ANKRD13C: variants seen among roughly 807,000 people sequenced by gnomAD.
The protein encoded by ANKRD13C is ankyrin repeat domain 13C.
A neutral mutation model predicts 65.5 loss-of-function variants in ANKRD13C; 16 were observed. The observed-to-expected ratio is 0.24, with a 90% CI of 0.17 to 0.37. The LOEUF (loss-of-function observed/expected upper bound fraction) is 0.37, where lower values mean the gene tolerates loss of function less well. Among genes scored for constraint, ANKRD13C ranks in the 10% least tolerant of loss-of-function variants. ANKRD13C has a pLI of 1.00. For synonymous variants in ANKRD13C, 235 were observed against 238.7 expected (o/e 0.98, Z 0.14); for missense variants, 503 against 655.9 (o/e 0.77, Z 2.55).
intron 9 of ANKRD13C, among the ~76,000 whole-genome samples, chr1:70,287,028 A>G (rs530528125): frequency 6.6e-6 from 1 of 152,210 alleles, no homozygotes; most frequent in East Asian, 1.9e-4. Flanking sequence ...TATAGAATAT[A>G]TAAACATAGA....
intron 6 of ANKRD13C, among the ~76,000 whole-genome samples, chr1:70,304,032 G>C (rs915247227): frequency 6.6e-6 from 1 of 152,012 alleles, no homozygotes; most frequent in African/African-American, 2.4e-5. Context: ...TTGCCCTCAT[G>C]TTCCTGTTTT....
chr1:70,335,388 A>G (rs2101587479), intron 2 of ANKRD13C, among the ~76,000 whole-genome samples: 1 of 151,610 alleles, frequency 6.6e-6, no homozygotes, highest in South Asian at 2.1e-4. Context: ...CCTGGGCAAT[A>G]GAGCGAGACT....
intron 1 of ANKRD13C, among the ~76,000 whole-genome samples, chr1:70,345,724 G>A (rs1275367458): frequency 2.6e-5 from 4 of 152,166 alleles, no homozygotes; most frequent in African/African-American, 7.2e-5. Context: ...GCTTACCATG[G>A]TAGAGATAAG....
chr1:70,354,564 C>T lies in ANKRD13C; in HGVS notation c.-156G>A, dbSNP rs548223009. On this transcript the variant is annotated 5_prime_UTR_variant, in exon 1 of 13. Coordinates refer to ENST00000370944, the MANE Select transcript of ANKRD13C (RefSeq NM_030816.5). ...CCGAGCCTGGGACAAACGCATCTCC[C>T]GGGGAAGAGCCGGCTCTCGCCTAGG... 8.4e-6 allele frequency: 12 copies of T among 1,428,008 alleles called. No individual in the cohort carries two copies. The Admixed American group carries it at 2.3e-4, about 27-fold the overall frequency. 88.5% of individuals were successfully genotyped at this position (1,428,008 alleles called of 1,614,324 possible).
intron 12 of ANKRD13C, among the ~76,000 whole-genome samples, chr1:70,263,814 T>TA (rs892417651): frequency 4.6e-5 from 7 of 152,080 alleles, no homozygotes; most frequent in African/African-American, 1.2e-4. Context: ...AAATCATTTT[T>TA]AAAAAAACTC....
chr1:70,273,482 GTT>G (rs1678985356), intron 11 of ANKRD13C, among the ~76,000 whole-genome samples: 1 of 152,168 alleles, frequency 6.6e-6, no homozygotes, highest in Non-Finnish European at 1.5e-5. Context: ...ATGAGTACAT[GTT>G]GGAGAGGATA....
chr1:70,322,041 A>G (rs935554365), intron 3 of ANKRD13C, among the ~76,000 whole-genome samples: 5 of 152,174 alleles, frequency 3.3e-5, no homozygotes, highest in African/African-American at 1.2e-4. Context: ...ATAGCCGGGC[A>G]TGGTGGCTCA....
intron 1 of ANKRD13C, among the ~76,000 whole-genome samples, chr1:70,349,550 A>T (rs982779224): frequency 5.3e-5 from 8 of 152,184 alleles, no homozygotes; most frequent in African/African-American, 1.7e-4. Context: ...CAAAAGTAAA[A>T]GCTCTATCCT....
chr1:70,275,730 G>A (rs773959837), intron 10 of ANKRD13C, among the ~76,000 whole-genome samples: 4 of 151,970 alleles, frequency 2.6e-5, no homozygotes, highest in Non-Finnish European at 4.4e-5. Flanking sequence ...GGAGGCCGAG[G>A]CAGGTGGATC....
At chr1:70,305,004 T>A (rs752641893) in intron 6 of ANKRD13C, among the ~76,000 whole-genome samples, 2 of 152,044 alleles carry the variant, frequency 1.3e-5, no homozygotes, top group Non-Finnish European at 2.9e-5. Flanking sequence ...CACACTGTAA[T>A]CCCAGCACTT....
intron 1 of ANKRD13C, among the ~76,000 whole-genome samples, chr1:70,351,034 G>A (rs538154463): frequency 1.1e-4 from 16 of 152,272 alleles, no homozygotes; most frequent in Middle Eastern, 3.4e-3. Context: ...GGTGGCACAC[G>A]CCTGTGGTCC....
intron 9 of ANKRD13C, among the ~76,000 whole-genome samples, chr1:70,280,720 T>C (rs970656284): frequency 6.6e-6 from 1 of 152,202 alleles, no homozygotes; most frequent in African/African-American, 2.4e-5. Flanking sequence ...AAAAATGGGC[T>C]GTTAAATGTA....
chr1:70,342,459 A>C (rs1682350358), intron 1 of ANKRD13C, among the ~76,000 whole-genome samples: 1 of 151,924 alleles, frequency 6.6e-6, no homozygotes, highest in Non-Finnish European at 1.5e-5. Flanking sequence ...AATCGCTTGA[A>C]CCCGGGAGGC....
chr1:70,290,295 T>C (rs893736395), intron 9 of ANKRD13C, among the ~76,000 whole-genome samples: 4 of 152,204 alleles, frequency 2.6e-5, no homozygotes, highest in Admixed American at 1.3e-4. Context: ...TCTGGAAACT[T>C]TGACCATCAC....
chr1:70,317,136 T>C (rs1427887987), intron 3 of ANKRD13C, among the ~76,000 whole-genome samples: 2 of 152,166 alleles, frequency 1.3e-5, no homozygotes, highest in Non-Finnish European at 2.9e-5. Flanking sequence ...GGAGCTATTC[T>C]TATTTTTAAC....
intron 1 of ANKRD13C, among the ~76,000 whole-genome samples, chr1:70,346,829 C>A (rs191571716): frequency 1.3e-4 from 20 of 152,248 alleles, no homozygotes; most frequent in African/African-American, 3.6e-4. Context: ...CGGTGGCTCA[C>A]GCCTGTAATC....
chr1:70,268,640 TC>T (rs1678738023), intron 12 of ANKRD13C, among the ~76,000 whole-genome samples: 1 of 152,174 alleles, frequency 6.6e-6, no homozygotes, highest in Non-Finnish European at 1.5e-5. Context: ...AGGTCCCATT[TC>T]TGATATTCTC....
chr1:70,325,058 T>G (rs1681471456), intron 2 of ANKRD13C, 101 bp from the exon 3 acceptor site: 2 of 767,524 alleles, frequency 2.6e-6, no homozygotes. Context: ...CATAAATAGA[T>G]GAAATAAACA....
rs1678328833 is a variant in ANKRD13C, at chr1:70,259,629, A to G, written c.*3088T>C. On this transcript the variant is annotated 3_prime_UTR_variant, in exon 13 of 13. Transcript: ENST00000370944. Reference sequence around the variant, plus strand: ...TGCTTTGCAAGAGTAGTTTTGGCTAATTTATAGTATACAAACAATCATGGG... The same window carrying G: ...TGCTTTGCAAGAGTAGTTTTGGCTAGTTTATAGTATACAAACAATCATGGG... Among the ~76,000 whole-genome samples the G allele has an allele frequency of 6.6e-6, 1 of 152,206 alleles. No individual in the cohort carries two copies. Among genetic ancestry groups the G allele is most frequent in the South Asian group, 2.1e-4 (1 of 4,834 alleles).
Sources: gnomAD v4.1 joint callset for allele counts (sites outside exome capture counted in the v4.1 genomes callset) on GRCh38, gnomAD v4.1.1 for gene constraint, MANE v1.5 for transcripts, NCBI Gene and HGNC (gene_info 2026-07-23, HGNC 2026-07-21) for gene names.